The following DRC9 variants were observed in gnomAD, a reference collection of about 807,000 sequenced individuals.
The protein encoded by DRC9 is dynein regulatory complex protein 9.
At chr3:197,935,968 C>A in the DRC9 span, among the ~76,000 whole-genome samples, 1 of 151,990 alleles carries the variant, frequency 6.6e-6, no homozygotes. Context: ...AGATTTGTGG[C>A]CTGGCGCGGT....
the DRC9 span, among the ~76,000 whole-genome samples, chr3:197,911,519 G>A: frequency 6.6e-6 from 1 of 151,964 alleles, no homozygotes; most frequent in African/African-American, 2.4e-5. Context: ...TCAATGGAAC[G>A]TTAAACACAA....
chr3:197,930,885 T>C, the DRC9 span, among the ~76,000 whole-genome samples: 1 of 151,122 alleles, frequency 6.6e-6, no homozygotes, highest in Non-Finnish European at 1.5e-5. Context: ...AATACAAAAA[T>C]TAGCCAGGCG....
the DRC9 span, chr3:197,889,419 G>C: frequency 1.3e-6 from 1 of 791,870 alleles, no homozygotes. Flanking sequence ...CTAACAGGCA[G>C]AGTGAAATTA....
At chr3:197,914,486 A>G in the DRC9 span, among the ~76,000 whole-genome samples, 1 of 152,236 alleles carries the variant, frequency 6.6e-6, no homozygotes, top group South Asian at 2.1e-4. Flanking sequence ...GAGAGTGATT[A>G]TTAGGTTTCC....
chr3:197,912,610 T>G, the DRC9 span: 2 of 1,092,338 alleles, frequency 1.8e-6, no homozygotes, highest in African/African-American at 3.2e-5. Context: ...ATATTCTTTT[T>G]GTTTCCTCAG....
At chr3:197,953,554 G>C in the DRC9 span, 4 of 457,180 alleles carry the variant, frequency 8.7e-6, no homozygotes, top group South Asian at 4.6e-5. Context: ...TGGCCCCAGT[G>C]CCTGCGCTAG....
chr3:197,950,429 CCA>C, the DRC9 span: 1 of 819,946 alleles, frequency 1.2e-6, no homozygotes, highest in Admixed American at 4.4e-5. Flanking sequence ...CCGGGTTATC[CCA>C]GTTAAATTCC....
the DRC9 span, chr3:197,889,812 GACAA>G: frequency 2.3e-5 from 32 of 1,386,094 alleles, no homozygotes; most frequent in African/African-American, 7.1e-5. Flanking sequence ...ACTTCTGTCT[GACAA>G]ACAGTCTCTC....
chr3:197,932,829 TTTATATATGTA>T, the DRC9 span, among the ~76,000 whole-genome samples: 2 of 100,116 alleles, frequency 2.0e-5, no homozygotes, highest in African/African-American at 1.1e-4. Context: ...TATATATGTA[TTTATATATGTA>T]TTATATATAA....
the DRC9 span, among the ~76,000 whole-genome samples, chr3:197,915,183 AAAAGAAAAAGAAAAAAAGG>A: frequency 2.1e-5 from 3 of 145,764 alleles, no homozygotes; most frequent in Admixed American, 2.1e-4. Context: ...AAAAAAAAAG[AAAAGAAAAAGAAAAAAAGG>A]AAAGAAAAAG....
the DRC9 span, among the ~76,000 whole-genome samples, chr3:197,904,023 C>CAT: frequency 1.8e-3 from 178 of 96,400 alleles, 1 homozygote; most frequent in Non-Finnish European, 3.1e-3. Flanking sequence ...TATATACATA[C>CAT]ATATATATAT....
the DRC9 span, among the ~76,000 whole-genome samples, chr3:197,934,955 A>T: frequency 6.6e-6 from 1 of 152,112 alleles, no homozygotes; most frequent in African/African-American, 2.4e-5. Context: ...TGAGTGACAG[A>T]GTGAGACCCT....
the DRC9 span, chr3:197,892,715 C>T: frequency 3.7e-6 from 6 of 1,614,058 alleles, no homozygotes; most frequent in Middle Eastern, 1.6e-4. Context: ...TTTCTGTGTC[C>T]TTATCGTATT....
the DRC9 span, chr3:197,913,966 T>C: frequency 1.2e-6 from 2 of 1,614,176 alleles, no homozygotes; most frequent in East Asian, 2.2e-5. Context: ...GGTTTTCATG[T>C]AGCGATTCTC....
At chr3:197,958,289 C>T in the DRC9 span, 3 of 152,234 alleles carry the variant, frequency 2.0e-5, no homozygotes, top group Non-Finnish European at 4.4e-5. Flanking sequence ...ATCCCCCTGC[C>T]TTGTTCTCCT....
chr3:197,946,345 G>T, the DRC9 span, among the ~76,000 whole-genome samples: 1 of 146,392 alleles, frequency 6.8e-6, no homozygotes. Context: ...TGAGGCAGGA[G>T]AATGGCGTGA....
the DRC9 span, among the ~76,000 whole-genome samples, chr3:197,904,189 A>C: frequency 1.5e-3 from 227 of 151,444 alleles, 1 homozygote; most frequent in African/African-American, 5.1e-3. Flanking sequence ...GACATATAGA[A>C]AGGTGCTCAG....
At chr3:197,938,829 C>A in the DRC9 span, 50 of 1,346,874 alleles carry the variant, frequency 3.7e-5, no homozygotes, top group Non-Finnish European at 5.2e-5. Context: ...AGAGACAATA[C>A]AACAAGAAAG....
chr3:197,957,513 A>G, the DRC9 span: 1 of 143,350 alleles, frequency 7.0e-6, no homozygotes, highest in Non-Finnish European at 1.5e-5. Flanking sequence ...GCTGGAGTGC[A>G]GTGGCGCAAT....
Sources: gnomAD v4.1 joint callset for allele counts (sites outside exome capture counted in the v4.1 genomes callset) on GRCh38, gnomAD v4.1.1 for gene constraint, MANE v1.5 for transcripts, NCBI Gene and HGNC (gene_info 2026-07-23, HGNC 2026-07-21) for gene names.